NEBL: variants seen among roughly 807,000 people sequenced by gnomAD.
NEBL encodes nebulette, also known as LIM and SH3 protein 2.
NEBL carries 122 observed loss-of-function variants against 140.2 expected under a neutral mutation model. That is an observed-to-expected ratio of 0.87 (90% CI 0.75 to 1.01). NEBL has a LOEUF of 1.01. NEBL is among the 50% of genes least tolerant of loss of function. The pLI, the probability that NEBL is intolerant of heterozygous loss-of-function variation, is 0.00. For synonymous variants in NEBL, 436 were observed against 398.9 expected, an observed-to-expected ratio of 1.09 and a Z score of -1.11; for missense variants, 1,365 against 1,231.3, an observed-to-expected ratio of 1.11 and a Z score of -1.62.
chr10:20,884,433 C>T (rs895468279), intron 4 of NEBL, among the ~76,000 whole-genome samples: 14 of 152,082 alleles, frequency 9.2e-5, no homozygotes, highest in Admixed American at 5.9e-4. Flanking sequence ...TCCCTGCCCT[C>T]GCTTTCAGAA....
chr10:21,072,450 C>T (rs1490378302), intron 2 of NEBL, among the ~76,000 whole-genome samples: 3 of 152,200 alleles, frequency 2.0e-5, no homozygotes. Context: ...TCAGCCACTA[C>T]ATGAGAGGTG....
At chr10:21,023,794 G>C (rs778071834) in intron 2 of NEBL, among the ~76,000 whole-genome samples, 6 of 152,068 alleles carry the variant, frequency 3.9e-5, no homozygotes, top group Non-Finnish European at 5.9e-5. Flanking sequence ...TGTTAGAGGA[G>C]AGTGCAATTT....
chr10:20,950,336 A>C (rs1835397713), intron 4 of NEBL, among the ~76,000 whole-genome samples: 1 of 152,246 alleles, frequency 6.6e-6, no homozygotes, highest in Non-Finnish European at 1.5e-5. Flanking sequence ...AATTATGCAC[A>C]TTTGAAACTA....
intron 2 of NEBL, among the ~76,000 whole-genome samples, chr10:21,041,039 T>C (rs1470506460): frequency 6.6e-6 from 1 of 152,210 alleles, no homozygotes. Flanking sequence ...CTTATAGCAA[T>C]GTAAAGAACT....
chr10:21,199,793 C>A (rs1203330774), intron 3 of NEBL, among the ~76,000 whole-genome samples: 4 of 152,184 alleles, frequency 2.6e-5, no homozygotes, highest in Non-Finnish European at 5.9e-5. Context: ...GCTCTCACAC[C>A]CAGTGTGTGC....
At chr10:20,982,720 C>A (rs1837100630) in intron 3 of NEBL, among the ~76,000 whole-genome samples, 1 of 152,072 alleles carries the variant, frequency 6.6e-6, no homozygotes, top group African/African-American at 2.4e-5. Flanking sequence ...TTAGTATGGC[C>A]TTCCCCCCCA....
At position 20,969,115 on chromosome 10, in the gene NEBL, T is replaced by A. The variant is rs140685798; in HGVS notation, c.250-7336A>T. On this transcript the variant is annotated intron_variant, in intron 3 of 6. Coordinates refer to the NEBL transcript ENST00000417816. ...GTCTAAAATGCAGAAAATTGATTAA[T>A]CTCACAATGTTAGACGGGAATTAAA... Among the ~76,000 whole-genome samples the A allele has an allele frequency of 3.3e-3, 510 of 152,296 alleles. 3 individuals are homozygous for A. The highest frequency in any genetic ancestry group is 0.011 in the African/African-American group (465 of 41,566).
At chr10:20,847,218 T>C (rs906709784) in intron 11 of NEBL, among the ~76,000 whole-genome samples, 2 of 152,194 alleles carry the variant, frequency 1.3e-5, no homozygotes, top group African/African-American at 2.4e-5. Flanking sequence ...AGCTACTTTA[T>C]TTTTCTGGCC....
chr10:21,100,130 C>T (rs904365871), intron 2 of NEBL, among the ~76,000 whole-genome samples: 2 of 152,116 alleles, frequency 1.3e-5, no homozygotes, highest in African/African-American at 4.8e-5. Flanking sequence ...CCAGACTGCC[C>T]GGCCATCACA....
At chr10:20,843,006 G>C (rs556650953) in intron 12 of NEBL, among the ~76,000 whole-genome samples, 1 of 152,056 alleles carries the variant, frequency 6.6e-6, no homozygotes, top group East Asian at 1.9e-4. Context: ...CATCATAGTC[G>C]TTATGAACTA....
chr10:21,288,842 ATATATAT>A (rs1843102836), intron 1 of NEBL, among the ~76,000 whole-genome samples: 1 of 84,090 alleles, frequency 1.2e-5, no homozygotes, highest in Admixed American at 1.4e-4. Flanking sequence ...ATATATATAT[ATATATAT>A]AAAAATTTTT....
intron 2 of NEBL, among the ~76,000 whole-genome samples, chr10:21,068,093 A>G (rs1237059961): frequency 1.3e-5 from 2 of 152,208 alleles, no homozygotes; most frequent in African/African-American, 4.8e-5. Flanking sequence ...GAATTTCTCT[A>G]CTAGGTGGGA....
chr10:20,918,958 A>T (rs947443152), intron 4 of NEBL, among the ~76,000 whole-genome samples: 4 of 152,160 alleles, frequency 2.6e-5, no homozygotes, highest in Non-Finnish European at 4.4e-5. Flanking sequence ...TGCATAGGAA[A>T]ATTCTGGAAG....
At chr10:20,820,788 G>A (rs1839231070) in intron 19 of NEBL, among the ~76,000 whole-genome samples, 1 of 152,000 alleles carries the variant, frequency 6.6e-6, no homozygotes, top group Admixed American at 6.6e-5. Context: ...TCACGCCACT[G>A]CACTCCAGCC....
chr10:21,281,324 T>A (rs1842990683), intron 1 of NEBL, among the ~76,000 whole-genome samples: 1 of 151,892 alleles, frequency 6.6e-6, no homozygotes, highest in Admixed American at 6.6e-5. Flanking sequence ...GTTTTGGGGT[T>A]TTTTGTGTGT....
At chr10:20,839,342 A>C (rs1310314557) in intron 13 of NEBL, among the ~76,000 whole-genome samples, 2 of 152,222 alleles carry the variant, frequency 1.3e-5, no homozygotes, top group African/African-American at 4.8e-5. Flanking sequence ...AATTTGCAGA[A>C]AATGACTAAT....
intron 2 of NEBL, among the ~76,000 whole-genome samples, chr10:21,075,980 G>T (rs995978193): frequency 2.6e-5 from 4 of 152,102 alleles, no homozygotes; most frequent in African/African-American, 9.7e-5. Flanking sequence ...ACCACAATGA[G>T]ATACGACTGC....
At chr10:21,203,255 A>T (rs115611462) in intron 3 of NEBL, among the ~76,000 whole-genome samples, 1 of 152,280 alleles carries the variant, frequency 6.6e-6, no homozygotes, top group African/African-American at 2.4e-5. Context: ...CTCTCTCCCA[A>T]GACGTTCTCT....
At chr10:21,061,024 G>T (rs961517181) in intron 2 of NEBL, among the ~76,000 whole-genome samples, 1 of 151,864 alleles carries the variant, frequency 6.6e-6, no homozygotes. Flanking sequence ...GCCTGGAAAC[G>T]TGACCTTATT....
Sources: gnomAD v4.1 joint callset for allele counts (sites outside exome capture counted in the v4.1 genomes callset) on GRCh38, gnomAD v4.1.1 for gene constraint, MANE v1.5 for transcripts, NCBI Gene and HGNC (gene_info 2026-07-23, HGNC 2026-07-21) for gene names.